LEMD1: variants seen among roughly 807,000 people sequenced by gnomAD.
LEMD1 encodes the protein LEM domain containing 1, also known as LEM domain-containing protein 1.
In LEMD1, 18 loss-of-function variants were observed where a neutral mutation model predicts 17.4. The observed-to-expected ratio is 1.04, with a 90% confidence interval of 0.72 to 1.54. The LOEUF (loss-of-function observed/expected upper bound fraction) is 1.54. Among genes scored for constraint, LEMD1 ranks in the 40% most tolerant of loss-of-function variants. LEMD1 has a pLI of 0.00. For missense variants in LEMD1, 195 were observed against 210.4 expected, an observed-to-expected ratio of 0.93 and a Z score of 0.45; for synonymous variants, 88 against 77.8, an observed-to-expected ratio of 1.13 and a Z score of -0.69.
Position 205,406,692 on chromosome 1 carries a change from G to A in LEMD1, c.270+9540C>T, listed in dbSNP as rs192909924. Among the ~76,000 whole-genome samples the A allele has an allele frequency of 9.7e-4, 148 of 152,240 alleles. 1 individual carries two copies. Among genetic ancestry groups the A allele is most frequent in the African/African-American group, 2.2e-4 (9 of 41,540 alleles). On this transcript the variant is annotated intron_variant, in intron 4 of 5. Transcript: ENST00000367153. ...GCAATGCCTCACCCTGCTTTGGCTC[G>A]CACATGGTGCGCTGCACCCACTGTC...
chr1:205,412,428 A>G (rs185307302), intron 4 of LEMD1, among the ~76,000 whole-genome samples: 126 of 152,342 alleles, frequency 8.3e-4, no homozygotes, highest in African/African-American at 2.9e-3. Context: ...ACAGTGTTAA[A>G]AAGAGTCCAG....
At chr1:205,434,259 C>A (rs1666169595) in intron 1 of LEMD1, among the ~76,000 whole-genome samples, 2 of 150,742 alleles carry the variant, frequency 1.3e-5, no homozygotes, top group African/African-American at 4.9e-5. Flanking sequence ...GGCATGATCT[C>A]TTCCCAGGCT....
intron 4 of LEMD1, among the ~76,000 whole-genome samples, chr1:205,387,953 A>T (rs1664117676): frequency 6.6e-6 from 1 of 152,174 alleles, no homozygotes; most frequent in African/African-American, 2.4e-5. Context: ...TCATTCTCAA[A>T]ACCACCCTAT....
chr1:205,419,924 A>C (rs1043424493), intron 2 of LEMD1, among the ~76,000 whole-genome samples: 12 of 152,242 alleles, frequency 7.9e-5, no homozygotes, highest in Non-Finnish European at 1.6e-4. Context: ...TGGGGAATAC[A>C]GATAATAAAT....
intron 5 of LEMD1, among the ~76,000 whole-genome samples, chr1:205,383,360 G>T (rs1285151131): frequency 6.6e-6 from 1 of 152,178 alleles, no homozygotes; most frequent in Non-Finnish European, 1.5e-5. Context: ...CTCCCAAAAT[G>T]CTGGGATTAC....
At chr1:205,437,968 C>G (rs1425658046) in intron 1 of LEMD1, 1 of 152,050 alleles carries the variant, frequency 6.6e-6, no homozygotes, top group Non-Finnish European at 1.5e-5. Flanking sequence ...TTTCTATGAA[C>G]CCATATGCTA....
chr1:205,434,056 TATA>T lies in LEMD1; in HGVS notation c.-38-13485_-38-13483del, dbSNP rs781487642. ...TATGGATATATAATCACATACATGATATAATAATTCTTGTTCTTAATGTTATGC... is the reference window on the plus strand; with the variant it reads ...TATGGATATATAATCACATACATGATATAATTCTTGTTCTTAATGTTATGC... On this transcript the variant is annotated intron_variant, in intron 1 of 3. Transcript: ENST00000367154. 1.6e-3 allele frequency among the ~76,000 whole-genome samples: 244 copies of T among 152,312 alleles called. 6 individuals are homozygous for T. Among genetic ancestry groups the T allele is most frequent in the Non-Finnish European group, 6.5e-4 (44 of 68,020 alleles).
At chr1:205,392,788 A>T (rs547868844) in intron 4 of LEMD1, among the ~76,000 whole-genome samples, 7 of 152,280 alleles carry the variant, frequency 4.6e-5, no homozygotes, top group East Asian at 1.9e-4. Flanking sequence ...GGGCTAAAAA[A>T]TTTTTTGAAG....
intron 4 of LEMD1, among the ~76,000 whole-genome samples, chr1:205,409,924 C>G (rs964450237): frequency 2.0e-5 from 3 of 151,976 alleles, no homozygotes; most frequent in Admixed American, 2.0e-4. Context: ...AGGCATGCAC[C>G]ACCACGCCCA....
intron 4 of LEMD1, among the ~76,000 whole-genome samples, chr1:205,407,605 T>C (rs1665182231): frequency 6.6e-6 from 1 of 152,190 alleles, no homozygotes; most frequent in Non-Finnish European, 1.5e-5. Context: ...TCTCTCCCAT[T>C]GGCTGTTTCT....
intron 4 of LEMD1, among the ~76,000 whole-genome samples, chr1:205,405,471 CA>C (rs1189697013): frequency 6.8e-6 from 1 of 146,342 alleles, no homozygotes; most frequent in Non-Finnish European, 1.5e-5. Flanking sequence ...ATCACTGATA[CA>C]CTTTCTTCCA....
rs76655151 is a variant in LEMD1 at position 205,408,225 on chromosome 1, T to C, written c.270+8007A>G. ...TATCTGGAGGATCATATGGTGGTTA[T>C]GTAGGAGAGTGTCCTTTGGTAGGCA... On this transcript the variant is annotated intron_variant, in intron 4 of 5. Transcript: ENST00000367153. Among the ~76,000 whole-genome samples, 875 of 152,250 alleles carry C rather than the reference T, an allele frequency of 5.7e-3. 10 individuals are homozygous for C. Among genetic ancestry groups the C allele is most frequent in the African/African-American group, 0.02 (820 of 41,538 alleles).
At chr1:205,449,474 T>A (rs1041550294) in intron 1 of LEMD1, among the ~76,000 whole-genome samples, 1 of 151,992 alleles carries the variant, frequency 6.6e-6, no homozygotes, top group Non-Finnish European at 1.5e-5. Context: ...CCACCCCAAC[T>A]GTACCCTCAG....
At chr1:205,388,134 A>G (rs1574942876) in intron 4 of LEMD1, among the ~76,000 whole-genome samples, 1 of 152,312 alleles carries the variant, frequency 6.6e-6, no homozygotes, top group East Asian at 1.9e-4. Context: ...AGGGAATTAG[A>G]AATACCATGT....
intron 4 of LEMD1, among the ~76,000 whole-genome samples, chr1:205,413,793 C>T (rs992284155): frequency 6.6e-6 from 1 of 151,680 alleles, no homozygotes; most frequent in African/African-American, 2.4e-5. Context: ...GCTGGGACAA[C>T]AGACACATGC....
intron 4 of LEMD1, 24 bp downstream of exon 4, chr1:205,416,208 T>A: frequency 2.7e-6 from 4 of 1,457,224 alleles, no homozygotes; most frequent in Non-Finnish European, 3.8e-6. Flanking sequence ...GGTATAAGTA[T>A]TCAGGCATTA....
intron 5 of LEMD1, among the ~76,000 whole-genome samples, chr1:205,383,043 T>G (rs1187741147): frequency 1.3e-5 from 2 of 152,340 alleles, no homozygotes; most frequent in East Asian, 3.9e-4. Context: ...TTTTAAAAAT[T>G]GATACATAAT....
intron 4 of LEMD1, among the ~76,000 whole-genome samples, chr1:205,402,796 C>T (rs1451293589): frequency 2.6e-5 from 4 of 151,186 alleles, no homozygotes; most frequent in Non-Finnish European, 5.9e-5. Flanking sequence ...AAAGGGAATG[C>T]TTCCAGTTTT....
chr1:205,432,389 C>T (rs1212887828), intron 1 of LEMD1, among the ~76,000 whole-genome samples: 9 of 152,226 alleles, frequency 5.9e-5, no homozygotes, highest in Admixed American at 5.9e-4. Context: ...TCCCCTCATC[C>T]TAACAAAACC....
Sources: allele counts gnomAD v4.1 joint callset (sites outside exome capture counted in the v4.1 genomes callset), GRCh38; gene constraint gnomAD v4.1.1; transcripts MANE v1.5; gene names NCBI Gene and HGNC (gene_info 2026-07-23, HGNC 2026-07-21).